The following BRINP3 variants were observed in gnomAD, a reference collection of about 807,000 sequenced individuals.
BRINP3 encodes BMP/retinoic acid inducible neural specific 3, also known as BMP/retinoic acid-inducible neural-specific protein 3.
A neutral mutation model predicts 71.0 loss-of-function variants in BRINP3; 19 were observed. That is an observed-to-expected ratio of 0.27 (90% CI 0.19 to 0.39). The LOEUF (loss-of-function observed/expected upper bound fraction) is 0.39. BRINP3 is among the 10% of genes least tolerant of loss of function. The pLI is 1.00. For missense variants in BRINP3, 959 were observed against 940.8 expected (o/e 1.02, Z -0.25); for synonymous variants, 380 against 337.7 (o/e 1.13, Z -1.37).
chr1:190,420,574 A>C (rs1223924619), intron 2 of BRINP3, among the ~76,000 whole-genome samples: 2 of 152,084 alleles, frequency 1.3e-5, no homozygotes, highest in Non-Finnish European at 2.9e-5. Flanking sequence ...TTTCTAATTA[A>C]TGTCTGAATT....
At chr1:190,159,616 C>T (rs963789380) in intron 7 of BRINP3, among the ~76,000 whole-genome samples, 3 of 151,900 alleles carry the variant, frequency 2.0e-5, no homozygotes, top group Admixed American at 6.6e-5. Context: ...CAGAAAATGT[C>T]CAAAATAGGC....
chr1:190,423,752 C>T (rs1396921046), intron 2 of BRINP3, among the ~76,000 whole-genome samples: 1 of 151,668 alleles, frequency 6.6e-6, no homozygotes, highest in Non-Finnish European at 1.5e-5. Flanking sequence ...ACCCCCTACC[C>T]TAAACTATCA....
At chr1:190,446,052 A>T (rs1675200683) in intron 2 of BRINP3, among the ~76,000 whole-genome samples, 2 of 152,104 alleles carry the variant, frequency 1.3e-5, no homozygotes, top group African/African-American at 2.4e-5. Flanking sequence ...ACGATTATAC[A>T]CAATTCTCAT....
chr1:190,228,793 T>C (rs986229427), intron 5 of BRINP3, among the ~76,000 whole-genome samples: 4 of 25,844 alleles, frequency 1.5e-4, no homozygotes, highest in African/African-American at 3.1e-4. Context: ...GGAATTTTCT[T>C]TTTTTTTCTG....
chr1:190,406,926 G>A (rs1271937761), intron 2 of BRINP3, among the ~76,000 whole-genome samples: 2 of 151,908 alleles, frequency 1.3e-5, no homozygotes, highest in East Asian at 1.9e-4. Flanking sequence ...CTCTTTTTTG[G>A]TCAAGCTAGA....
At chr1:190,369,111 T>C (rs1669694127) in intron 2 of BRINP3, among the ~76,000 whole-genome samples, 1 of 152,064 alleles carries the variant, frequency 6.6e-6, no homozygotes, top group East Asian at 1.9e-4. Context: ...AACCATATCA[T>C]CCAGGTAAGT....
intron 3 of BRINP3, among the ~76,000 whole-genome samples, chr1:190,271,058 T>G (rs1662069563): frequency 6.6e-6 from 1 of 151,702 alleles, no homozygotes; most frequent in Non-Finnish European, 1.5e-5. Flanking sequence ...TTTAAATATG[T>G]GAAAAGAGTC....
intron 6 of BRINP3, among the ~76,000 whole-genome samples, chr1:190,169,003 C>T (rs1304568156): frequency 6.6e-6 from 1 of 152,146 alleles, no homozygotes; most frequent in Non-Finnish European, 1.5e-5. Flanking sequence ...TTCTCAGCAT[C>T]TGTGCTACAA....
At chr1:190,175,029 T>A (rs901308971) in intron 6 of BRINP3, among the ~76,000 whole-genome samples, 9 of 152,220 alleles carry the variant, frequency 5.9e-5, no homozygotes, top group African/African-American at 2.2e-4. Flanking sequence ...ATAAAAGATA[T>A]AAATGATACT....
chr1:190,226,035 A>G, intron 6 of BRINP3, 47 bp downstream of exon 6: 1 of 1,228,162 alleles, frequency 8.1e-7, no homozygotes, highest in Non-Finnish European at 1.1e-6. Context: ...ATTTCAATAT[A>G]TTTTTTGTCA....
chr1:190,179,645 C>A (rs1652854258), intron 6 of BRINP3, among the ~76,000 whole-genome samples: 1 of 152,050 alleles, frequency 6.6e-6, no homozygotes, highest in Non-Finnish European at 1.5e-5. Flanking sequence ...AATTAAAATT[C>A]TCCAAGGAGT....
At chr1:190,290,977 A>C (rs1663819843) in intron 2 of BRINP3, among the ~76,000 whole-genome samples, 1 of 151,792 alleles carries the variant, frequency 6.6e-6, no homozygotes, top group Admixed American at 6.6e-5. Flanking sequence ...GATATGGAGT[A>C]TAGAGAGAGA....
At chr1:190,158,542 AC>A (rs1304097024) in intron 7 of BRINP3, among the ~76,000 whole-genome samples, 6 of 152,060 alleles carry the variant, frequency 3.9e-5, no homozygotes, top group South Asian at 2.1e-4. Context: ...GATCAATCAT[AC>A]CTCAAACCTC....
At chr1:190,132,377 A>G (rs1315341253) in intron 7 of BRINP3, among the ~76,000 whole-genome samples, 4 of 152,044 alleles carry the variant, frequency 2.6e-5, no homozygotes, top group Non-Finnish European at 5.9e-5. Context: ...AGTGTATTGT[A>G]TTACATCATG....
At chr1:190,410,811 T>A (rs1249584913) in intron 2 of BRINP3, among the ~76,000 whole-genome samples, 2 of 150,198 alleles carry the variant, frequency 1.3e-5, no homozygotes, top group Non-Finnish European at 3.0e-5. Flanking sequence ...CTGATGACTC[T>A]AACAAGAGTT....
intron 2 of BRINP3, among the ~76,000 whole-genome samples, chr1:190,317,948 A>T (rs1360126302): frequency 2.0e-5 from 3 of 152,120 alleles, no homozygotes; most frequent in African/African-American, 7.2e-5. Context: ...TAAAGGCAAA[A>T]TTCGTGTGTA....
chr1:190,107,766 A>G (rs1652306216), intron 7 of BRINP3, among the ~76,000 whole-genome samples: 1 of 152,014 alleles, frequency 6.6e-6, no homozygotes, highest in Admixed American at 6.6e-5. Flanking sequence ...AAATTGCTAG[A>G]TCAAAATTGA....
chr1:190,422,699 G>A (rs1394360564), intron 2 of BRINP3, among the ~76,000 whole-genome samples: 1 of 151,740 alleles, frequency 6.6e-6, no homozygotes, highest in East Asian at 1.9e-4. Context: ...GCTGAAGTTC[G>A]CTTTTTGAAG....
intron 4 of BRINP3, among the ~76,000 whole-genome samples, chr1:190,249,792 T>G (rs1432440758): frequency 6.6e-6 from 1 of 151,892 alleles, no homozygotes; most frequent in Admixed American, 6.6e-5. Context: ...TTTCTACTGA[T>G]GCATGTCACA....
Sources: allele counts gnomAD v4.1 joint callset (sites outside exome capture counted in the v4.1 genomes callset), GRCh38; gene constraint gnomAD v4.1.1; transcripts MANE v1.5; gene names NCBI Gene and HGNC (gene_info 2026-07-23, HGNC 2026-07-21).